Variants in KDM4C observed in about 807,000 individuals in gnomAD.
KDM4C encodes lysine-specific demethylase 4C.
A neutral mutation model predicts 129.3 loss-of-function variants in KDM4C; 81 were observed. That is an observed-to-expected ratio of 0.63 (90% confidence interval 0.52 to 0.75). The LOEUF (loss-of-function observed/expected upper bound fraction) is 0.75. KDM4C is among the 30% of genes least tolerant of loss of function. The pLI is 0.00. For missense variants in KDM4C, 1,457 were observed against 1,304.0 expected, an observed-to-expected ratio of 1.12 and a Z score of -1.81; for synonymous variants, 573 against 456.1, an observed-to-expected ratio of 1.26 and a Z score of -3.26.
chr9:6,919,247 T>TTTCTTTCTTTTCTTTCTTTCTTTCTTTC, intron 8 of KDM4C, among the ~76,000 whole-genome samples: 4 of 106,294 alleles, frequency 3.8e-5, no homozygotes, highest in Non-Finnish European at 6.0e-5. Flanking sequence ...TCTTTCTTTC[T>TTTCTTTCTTTTCTTTCTTTCTTTCTTTC]TTTCTTTCTT....
intron 19 of KDM4C, among the ~76,000 whole-genome samples, chr9:7,164,904 A>G (rs1844214319): frequency 6.6e-6 from 1 of 152,208 alleles, no homozygotes; most frequent in Admixed American, 6.5e-5. Flanking sequence ...GTCAGGTGTT[A>G]TAAATCATTA....
chr9:6,811,804 C>T lies in KDM4C; in HGVS notation c.321-2827C>T, dbSNP rs570102126. Among the ~76,000 whole-genome samples the T allele has an allele frequency of 1.1e-3, 165 of 152,084 alleles. 1 individual carries two copies. The highest frequency in any genetic ancestry group is 3.7e-3 in the African/African-American group (153 of 41,462). ...GAAGCCTGAGTTTAAACATGTGTAG[C>T]CTGGCCCTGGAGCTCACCTCTTAAG... On this transcript the variant is annotated intron_variant, in intron 3 of 21. Coordinates refer to ENST00000381309, the MANE Select transcript of KDM4C (RefSeq NM_015061.6).
Position 6,879,311 on chromosome 9 carries a change from T to C in KDM4C, c.630-701T>C, listed in dbSNP as rs181061975. ...ATATTATGAGATTGTTGTTTTAAAATTTCTTAGCAAGTCCATAGTAAAAAT... is the reference window on the plus strand; with the variant it reads ...ATATTATGAGATTGTTGTTTTAAAACTTCTTAGCAAGTCCATAGTAAAAAT... On this transcript the variant is annotated intron_variant, in intron 5 of 21. Transcript: ENST00000381309. Among the ~76,000 whole-genome samples the C allele has an allele frequency of 3.8e-4, 58 of 152,324 alleles. 1 individual carries two copies. Among genetic ancestry groups the C allele is most frequent in the Admixed American group, 3.5e-3 (53 of 15,298 alleles).
chr9:6,811,834 G>T (rs1488693564), intron 3 of KDM4C, among the ~76,000 whole-genome samples: 1 of 152,110 alleles, frequency 6.6e-6, no homozygotes, highest in Non-Finnish European at 1.5e-5. Context: ...CTTAAGAACT[G>T]TACTGCAATG....
At chr9:6,819,750 T>A (rs7026489) in intron 4 of KDM4C, among the ~76,000 whole-genome samples, 1 of 151,974 alleles carries the variant, frequency 6.6e-6, no homozygotes. Context: ...GTGTAATAAT[T>A]GCTTACTGTC....
intron 10 of KDM4C, among the ~76,000 whole-genome samples, chr9:6,985,139 G>A (rs1331527692): frequency 3.9e-5 from 6 of 152,164 alleles, no homozygotes; most frequent in Admixed American, 2.0e-4. Context: ...GATGACTGCA[G>A]CAATTGCTTC....
chr9:6,958,618 G>T (rs1829501785), intron 8 of KDM4C, among the ~76,000 whole-genome samples: 1 of 150,552 alleles, frequency 6.6e-6, no homozygotes. Flanking sequence ...ACTGAGTAAG[G>T]AATATTTACT....
At chr9:6,772,783 C>G (rs552980316) in intron 1 of KDM4C, among the ~76,000 whole-genome samples, 19 of 151,490 alleles carry the variant, frequency 1.3e-4, no homozygotes, top group South Asian at 2.1e-4. Flanking sequence ...GCCTCTGCCC[C>G]CCGGATTCAA....
intron 4 of KDM4C, among the ~76,000 whole-genome samples, chr9:6,838,350 C>T (rs895979909): frequency 6.6e-6 from 1 of 152,082 alleles, no homozygotes; most frequent in African/African-American, 2.4e-5. Flanking sequence ...GTGATCTTTG[C>T]TTGTATGCGT....
chr9:6,895,892 C>T (rs10975878), intron 8 of KDM4C, among the ~76,000 whole-genome samples: 70,349 of 151,946 alleles, frequency 0.46, 16,626 homozygotes, highest in Middle Eastern at 0.6. Context: ...ACCATCAATA[C>T]TAATATTTTC....
intron 3 of KDM4C, among the ~76,000 whole-genome samples, chr9:6,811,667 A>G (rs1369825620): frequency 6.6e-6 from 1 of 152,144 alleles, no homozygotes; most frequent in African/African-American, 2.4e-5. Flanking sequence ...TTCCATAATT[A>G]TCTGATGGAG....
At chr9:6,721,231 G>T in intron 1 of KDM4C, 1 of 178,374 alleles carries the variant, frequency 5.6e-6, no homozygotes, top group East Asian at 1.1e-4. Context: ...ATGCCACTAT[G>T]CCTGGCTTTT....
chr9:6,970,910 C>T lies in KDM4C; in HGVS notation c.922-10015C>T, dbSNP rs10975944. On this transcript the variant is annotated intron_variant, in intron 8 of 21. Transcript: ENST00000381309. ...TGATGCACTCATACACTAACCCCAT[C>T]ATTCCCTCGGCTCTACCGTCTTCTC... Among the ~76,000 whole-genome samples the T allele has an allele frequency of 2.6e-5, 4 of 151,090 alleles. No homozygotes were observed. In the East Asian group the frequency reaches 7.9e-4, roughly 30 times the overall value.
chr9:6,964,986 G>C (rs12552747), intron 8 of KDM4C, among the ~76,000 whole-genome samples: 9 of 151,454 alleles, frequency 5.9e-5, no homozygotes, highest in African/African-American at 2.2e-4. Context: ...CGTATGCCTA[G>C]ATTTTTCTCC....
intron 8 of KDM4C, among the ~76,000 whole-genome samples, chr9:6,907,873 T>A (rs1563794718): frequency 6.6e-6 from 1 of 152,244 alleles, no homozygotes; most frequent in Non-Finnish European, 1.5e-5. Context: ...AAGTCACTAT[T>A]AGACTGTAAA....
At chr9:7,032,905 A>T (rs1827015915) in intron 15 of KDM4C, among the ~76,000 whole-genome samples, 1 of 152,192 alleles carries the variant, frequency 6.6e-6, no homozygotes, top group African/African-American at 2.4e-5. Flanking sequence ...TATTGGTTGG[A>T]TGAGCAGGTT....
chr9:6,805,849 A>G, intron 3 of KDM4C, 75 bp downstream of exon 3: 2 of 1,350,794 alleles, frequency 1.5e-6, no homozygotes, highest in Non-Finnish European at 1.0e-6. Context: ...AAGTAGACAG[A>G]GGAGCTTATA....
chr9:6,876,689 C>G (rs183084306), intron 5 of KDM4C, among the ~76,000 whole-genome samples: 2 of 152,178 alleles, frequency 1.3e-5, no homozygotes, highest in Admixed American at 1.3e-4. Flanking sequence ...GGTGCTGTTG[C>G]AGAGAAGTCA....
intron 2 of KDM4C, among the ~76,000 whole-genome samples, chr9:6,795,285 A>G (rs1827507766): frequency 6.6e-6 from 1 of 152,152 alleles, no homozygotes; most frequent in East Asian, 1.9e-4. Context: ...TGTTTCTGGT[A>G]TCTGTACCCT....
Sources: allele counts gnomAD v4.1 joint callset (sites outside exome capture counted in the v4.1 genomes callset), GRCh38; gene constraint gnomAD v4.1.1; transcripts MANE v1.5; gene names NCBI Gene and HGNC (gene_info 2026-07-23, HGNC 2026-07-21).